Variants in SSU72 observed in about 807,000 individuals in gnomAD.
SSU72 encodes the protein SSU72 homolog, RNA polymerase II CTD phosphatase, also known as RNA polymerase II subunit A C-terminal domain phosphatase SSU72.
Under a neutral mutation model 22.7 loss-of-function variants are expected in SSU72, and 12 were observed. The observed-to-expected ratio is 0.53, with a 90% CI of 0.34 to 0.86. SSU72 has a LOEUF of 0.86. Ranked by LOEUF, SSU72 falls within the 40% of genes least tolerant of loss-of-function variation. The probability of loss-of-function intolerance (pLI) is 0.02; values close to 1 mark genes in which losing one functional copy is unlikely to be tolerated. For missense variants in SSU72, 151 were observed against 249.8 expected (o/e 0.60, Z 2.67); for synonymous variants, 116 against 98.3 (o/e 1.18, Z -1.06).
rs1380584140 is a variant in SSU72, at chr1:1,541,838, G to C, written c.*228C>G. On this transcript the variant is annotated 3_prime_UTR_variant, in exon 5 of 5. Coordinates refer to ENST00000291386, the MANE Select transcript of SSU72 (RefSeq NM_014188.3). ...CCGTTGTCTTTCCTTTTTGGTTAAA[G>C]AAGAAAAACTTTGTAATCAATATCC... 5.6e-6 allele frequency: 3 copies of C among 531,486 alleles called. No homozygotes were observed. The highest frequency in any genetic ancestry group is 1.0e-5 in the Non-Finnish European group (3 of 294,964). The allele number at this position is 531,486 out of a possible 1,614,324, so 32.9% of individuals were successfully genotyped here.
rs749254618 is a variant in SSU72, at chr1:1,564,552, C to T, written c.224+221G>A. The T allele has an allele frequency of 2.4e-5, 37 of 1,567,650 alleles. 2 individuals carry two copies. In the South Asian group the frequency reaches 4.3e-4, roughly 18 times the overall value. On this transcript the variant is annotated intron_variant, in intron 2 of 4. Coordinates refer to ENST00000291386, the MANE Select transcript of SSU72 (RefSeq NM_014188.3). Reference sequence around the variant, plus strand: ...GAACCACGTCAGGGTGAACCCCACACCGTGTCTGTGCGCCTCACCACGCCT... The same window carrying T: ...GAACCACGTCAGGGTGAACCCCACATCGTGTCTGTGCGCCTCACCACGCCT...
chr1:1,574,788 G>C lies in SSU72; in HGVS notation c.-231C>G, dbSNP rs1247502585. On this transcript the variant is annotated 5_prime_UTR_variant, in exon 1 of 5. Transcript: ENST00000291386. ...GGGCGCGCTGCACTCGGCGAGGCCG[G>C]GGGCGGCCAACGCCGCGCCGGCCCC... 8.6e-6 allele frequency: 2 copies of C among 233,822 alleles called. No individual in the cohort carries two copies. Among genetic ancestry groups the C allele is most frequent in the African/African-American group, 2.4e-5 (1 of 42,266 alleles). The allele number at this position is 233,822 out of a possible 1,614,324, so 14.5% of individuals were successfully genotyped here. A position where few individuals can be genotyped will look rare whatever the true frequency, so the allele number is the denominator to read the frequency against.
intron 1 of SSU72, among the ~76,000 whole-genome samples, chr1:1,573,588 TAC>T (rs951586465): frequency 1.5e-4 from 23 of 151,918 alleles, no homozygotes; most frequent in African/African-American, 5.3e-4. Context: ...GTGCGGGGAC[TAC>T]ACGCGTGAGC....
chr1:1,550,176 A>G (rs1333993287), intron 2 of SSU72, among the ~76,000 whole-genome samples: 2 of 143,678 alleles, frequency 1.4e-5, no homozygotes, highest in Non-Finnish European at 3.0e-5. Flanking sequence ...AGTGTCTCAA[A>G]AAAAAAAAAA....
At position 1,542,328 on chromosome 1, in the gene SSU72, C is replaced by A. The variant is rs1464456715; in HGVS notation, c.484-161G>T. 2.0e-5 allele frequency among the ~76,000 whole-genome samples: 3 copies of A among 152,184 alleles called. No individual in the cohort carries two copies. The highest frequency in any genetic ancestry group is 7.2e-5 in the African/African-American group (3 of 41,438). ...GCTGCCTCACAAGGACGGCCGGAGG[C>A]TGCAGGGGGAGAGCGTCCCGGGCAG... is the stretch of plus-strand genomic sequence containing the variant. On this transcript the variant is annotated intron_variant, in intron 4 of 4. Transcript: ENST00000291386. The surrounding 1 kb of genome is among the most constrained non-coding windows in gnomAD (Gnocchi z 4.4).
rs1050094969 is a variant in SSU72, at chr1:1,542,771, C to T, written c.484-604G>A. Among the ~76,000 whole-genome samples, 2 of 152,084 alleles carry T rather than the reference C, an allele frequency of 1.3e-5. No individual in the cohort carries two copies. Among genetic ancestry groups the T allele is most frequent in the African/African-American group, 2.4e-5 (1 of 41,404 alleles). On this transcript the variant is annotated intron_variant, in intron 4 of 4. Coordinates refer to ENST00000291386, the MANE Select transcript of SSU72 (RefSeq NM_014188.3). This position sits in a 1 kb window ranked among gnomAD's most constrained non-coding sequence, Gnocchi z 4.4. The stretch of plus-strand genomic sequence containing the variant: ...TGGCCAACGTGACCCAAGCAGAAAT[C>T]GTGCAATAACTTCTGGGACGACATT...
At chr1:1,550,696 G>A (rs2031708) in intron 2 of SSU72, among the ~76,000 whole-genome samples, 8,840 of 152,280 alleles carry the variant, frequency 0.058, 559 homozygotes, top group East Asian at 0.27. Context: ...TCTGTTGTGG[G>A]AGGAAGATGG....
chr1:1,573,265 CAAAA>C (rs57824669), intron 1 of SSU72, among the ~76,000 whole-genome samples: 47 of 131,298 alleles, frequency 3.6e-4, no homozygotes, highest in Middle Eastern at 8.0e-3. Flanking sequence ...ACTAAAAATA[CAAAA>C]AAAAAAAAAA....
chr1:1,572,619 G>T (rs1297055421), intron 1 of SSU72, among the ~76,000 whole-genome samples: 1 of 150,350 alleles, frequency 6.7e-6, no homozygotes, highest in Non-Finnish European at 1.5e-5. Context: ...ACCACGCCCG[G>T]CTAATTTTTT....
At chr1:1,559,073 G>T (rs146887222) in intron 2 of SSU72, among the ~76,000 whole-genome samples, 1 of 152,216 alleles carries the variant, frequency 6.6e-6, no homozygotes, top group African/African-American at 2.4e-5. Flanking sequence ...CAAGCCCCTC[G>T]GCAGGACACC....
At chr1:1,562,811 T>G (rs553047016) in intron 2 of SSU72, 19 of 152,430 alleles carry the variant, frequency 1.2e-4, no homozygotes, top group Non-Finnish European at 2.5e-4. Context: ...GGACATGGCC[T>G]GACAGCTCCT....
chr1:1,574,022 A>C (rs1378122901), intron 1 of SSU72, among the ~76,000 whole-genome samples: 1 of 94,588 alleles, frequency 1.1e-5, no homozygotes, highest in African/African-American at 9.0e-5. Context: ...GATCTTTCGC[A>C]AAAAAAAAAA....
chr1:1,546,384 T>G (rs972747431), intron 2 of SSU72: 1 of 152,222 alleles, frequency 6.6e-6, no homozygotes, highest in African/African-American at 2.4e-5. Flanking sequence ...GTGTGTCTCC[T>G]CCTGCACATT....
At chr1:1,562,698 T>C (rs1427308962) in intron 2 of SSU72, 5 of 152,328 alleles carry the variant, frequency 3.3e-5, no homozygotes. Flanking sequence ...CACAAAGGCA[T>C]GTCGGGAGGG....
At chr1:1,544,782 G>A (rs1472779102) in intron 3 of SSU72, 81 bp downstream of exon 3, 4 of 1,594,552 alleles carry the variant, frequency 2.5e-6, no homozygotes, top group Non-Finnish European at 3.4e-6. Flanking sequence ...GGGCTGTACT[G>A]GTCATGGTGG....
At position 1,541,873 on chromosome 1, in the gene SSU72, G is replaced by A. The variant is rs1323217908; in HGVS notation, c.*193C>T. On this transcript the variant is annotated 3_prime_UTR_variant, in exon 5 of 5. Coordinates refer to ENST00000291386, the MANE Select transcript of SSU72 (RefSeq NM_014188.3). ...TTTGTAATCAATATCCTGCTCATAA[G>A]TAAAAGTGGAAAAGAAGAAACTTGA... is the stretch of plus-strand genomic sequence containing the variant. The A allele has an allele frequency of 3.4e-6, 2 of 583,208 alleles. No individual in the cohort carries two copies. Among genetic ancestry groups the A allele is most frequent in the Admixed American group, 3.1e-5 (1 of 32,728 alleles). 36.1% of individuals were successfully genotyped at this position (583,208 alleles called of 1,614,324 possible).
chr1:1,569,190 GA>G (rs1026358381), intron 1 of SSU72, among the ~76,000 whole-genome samples: 13 of 151,348 alleles, frequency 8.6e-5, no homozygotes, highest in South Asian at 2.1e-4. Context: ...TAAAATAAAA[GA>G]AAAAAACAAA....
rs57824669 is a variant in SSU72, at chr1:1,573,265, C to CA, written c.80+1212dup. ...TGAAACTCCGTCTCTACTAAAAATA[C>CA]AAAAAAAAAAAAAAATTAGCCGTGC... is the stretch of plus-strand genomic sequence containing the variant. On this transcript the variant is annotated intron_variant, in intron 1 of 4. Coordinates refer to ENST00000291386, the MANE Select transcript of SSU72 (RefSeq NM_014188.3). Among the ~76,000 whole-genome samples the CA allele has an allele frequency of 6.8e-3, 888 of 131,264 alleles. 13 individuals are homozygous for CA. Among genetic ancestry groups the CA allele is most frequent in the Admixed American group, 0.014 (181 of 13,386 alleles). 86.1% of individuals were successfully genotyped at this position (131,264 alleles called of 152,430 possible). A position where few individuals can be genotyped will look rare whatever the true frequency, so the allele number is the denominator to read the frequency against.
chr1:1,567,268 G>A (rs1279774160), intron 1 of SSU72, among the ~76,000 whole-genome samples: 1 of 152,176 alleles, frequency 6.6e-6, no homozygotes, highest in Non-Finnish European at 1.5e-5. Flanking sequence ...TCTAGTGTAC[G>A]TGAAACACCT....
Sources: gnomAD v4.1 joint callset for allele counts (sites outside exome capture counted in the v4.1 genomes callset) on GRCh38, gnomAD v4.1.1 for gene constraint, Gnocchi (gnomAD v3.1) non-coding constraint, MANE v1.5 for transcripts, NCBI Gene and HGNC (gene_info 2026-07-23, HGNC 2026-07-21) for gene names.